Variants in STYK1 observed in about 807,000 individuals in gnomAD.
STYK1 encodes the protein tyrosine-protein kinase STYK1.
A neutral mutation model predicts 48.1 loss-of-function variants in STYK1; 46 were observed. The ratio of observed to expected loss-of-function variants is 0.96; its 90% CI spans 0.75 to 1.22. STYK1 has a LOEUF of 1.22. Ranked by LOEUF, STYK1 falls within the 50% of genes most tolerant of loss-of-function variation. The probability of loss-of-function intolerance (pLI) is 0.00; values close to 1 mark genes in which losing one functional copy is unlikely to be tolerated. For synonymous variants in STYK1, 188 were observed against 189.0 expected, an observed-to-expected ratio of 0.99 and a Z score of 0.04; for missense variants, 527 against 521.1, an observed-to-expected ratio of 1.01 and a Z score of -0.11.
chr12:10,624,916 A>C, intron 7 of STYK1, 57 bp from the exon 8 acceptor site: 1 of 1,500,348 alleles, frequency 6.7e-7, no homozygotes, highest in Non-Finnish European at 9.3e-7. Flanking sequence ...TGGGTCACAG[A>C]CAAGGAGAGG....
chr12:10,654,383 G>GTCACC (rs1243810509), intron 1 of STYK1, among the ~76,000 whole-genome samples: 2 of 152,056 alleles, frequency 1.3e-5, no homozygotes, highest in African/African-American at 4.8e-5. Flanking sequence ...ACTCTATGGA[G>GTCACC]TCACCCTGAA....
intron 9 of STYK1, 24 bp from the exon 10 acceptor site, chr12:10,621,996 A>G (rs376665255): frequency 9.8e-5 from 157 of 1,594,840 alleles, no homozygotes; most frequent in Non-Finnish European, 1.2e-4. Flanking sequence ...AATAATGAGA[A>G]CTTTAAGGTC....
At position 10,649,258 on chromosome 12, in the gene STYK1, T is replaced by TA. The variant is rs1207547897; in HGVS notation, c.-194-12063_-194-12062insT. Among the ~76,000 whole-genome samples the TA allele has an allele frequency of 4.6e-5, 7 of 152,168 alleles. No individual in the cohort carries two copies. In the East Asian group the frequency reaches 1.3e-3, roughly 29 times the overall value. On this transcript the variant is annotated intron_variant, in intron 1 of 10. Coordinates refer to ENST00000075503, the MANE Select transcript of STYK1 (RefSeq NM_018423.3). Reference sequence around the variant, plus strand: ...TTCAGGGGATATACATGGGAAGTCATTGTACTATTTTTGCTGCTTTTGTAC... The same window carrying TA: ...TTCAGGGGATATACATGGGAAGTCATATGTACTATTTTTGCTGCTTTTGTAC...
intron 7 of STYK1, among the ~76,000 whole-genome samples, chr12:10,625,921 G>A (rs1947354052): frequency 6.6e-6 from 1 of 152,108 alleles, no homozygotes; most frequent in Non-Finnish European, 1.5e-5. Flanking sequence ...GAGAGCCATG[G>A]CACCCTATGA....
chr12:10,651,286 C>T (rs1947660245), intron 1 of STYK1, among the ~76,000 whole-genome samples: 2 of 152,126 alleles, frequency 1.3e-5, no homozygotes, highest in African/African-American at 4.8e-5. Flanking sequence ...ATTTATTATT[C>T]AGACTCCTAG....
intron 7 of STYK1, among the ~76,000 whole-genome samples, chr12:10,626,384 T>C (rs561797049): frequency 1.3e-5 from 2 of 152,200 alleles, no homozygotes; most frequent in South Asian, 2.1e-4. Context: ...TCAAACACCA[T>C]AGACAATATT....
rs11268204 is a variant in STYK1, at chr12:10,630,032, GGA to G, written c.452-360_452-359del. 1.6e-3 allele frequency among the ~76,000 whole-genome samples: 213 copies of G among 137,198 alleles called. 1 individual carries two copies. Among genetic ancestry groups the G allele is most frequent in the African/African-American group, 5.7e-3 (194 of 33,752 alleles). 90.0% of individuals were successfully genotyped at this position (137,198 alleles called of 152,430 possible). Reference sequence around the variant, plus strand: ...CCATTACTGGCCCATATCATGAAGAGGAGAGAGAGAGAGAGAGAGAGAGAGAG... The same window carrying G: ...CCATTACTGGCCCATATCATGAAGAGGAGAGAGAGAGAGAGAGAGAGAGAG... On this transcript the variant is annotated intron_variant, in intron 5 of 10. Coordinates refer to ENST00000075503, the MANE Select transcript of STYK1 (RefSeq NM_018423.3).
chr12:10,664,974 A>C (rs1339322474), intron 1 of STYK1, among the ~76,000 whole-genome samples: 2 of 152,238 alleles, frequency 1.3e-5, no homozygotes, highest in East Asian at 3.8e-4. Context: ...GACATGCATA[A>C]GTCAGAAAAT....
chr12:10,670,995 ATTTT>A (rs763044772), intron 1 of STYK1, among the ~76,000 whole-genome samples: 27 of 110,468 alleles, frequency 2.4e-4, no homozygotes, highest in Non-Finnish European at 3.6e-4. Flanking sequence ...GAATATATTG[ATTTT>A]TTTTTTTTTT....
At chr12:10,673,615 A>AT (rs1454129030) in intron 1 of STYK1, 1 of 152,048 alleles carries the variant, frequency 6.6e-6, no homozygotes, top group Non-Finnish European at 1.5e-5. Context: ...CTGTAACCTC[A>AT]TTCTTTCCCT....
chr12:10,624,531 T>A (rs1591674223), intron 8 of STYK1, 120 bp downstream of exon 8: 1 of 846,564 alleles, frequency 1.2e-6, no homozygotes, highest in African/African-American at 1.7e-5. Context: ...CTTGAGAGTA[T>A]GTCTGATTTC....
intron 7 of STYK1, among the ~76,000 whole-genome samples, chr12:10,626,534 A>T (rs1947360853): frequency 6.6e-6 from 1 of 152,176 alleles, no homozygotes; most frequent in African/African-American, 2.4e-5. Context: ...AAGTAGCAAG[A>T]TATATCAAAT....
chr12:10,634,267 GA>G (rs1346958017), intron 3 of STYK1, 143 bp from the exon 4 acceptor site: 3 of 1,020,942 alleles, frequency 2.9e-6, no homozygotes, highest in Non-Finnish European at 4.3e-6. Context: ...CCATTCAACA[GA>G]AACACTGCTG....
At chr12:10,665,308 T>A (rs576246027) in intron 1 of STYK1, among the ~76,000 whole-genome samples, 1 of 152,322 alleles carries the variant, frequency 6.6e-6, no homozygotes, top group South Asian at 2.1e-4. Context: ...CTTTGACAAA[T>A]ACACTATGAA....
intron 1 of STYK1, among the ~76,000 whole-genome samples, chr12:10,644,337 C>T (rs1026565902): frequency 2.0e-5 from 3 of 152,134 alleles, no homozygotes; most frequent in Non-Finnish European, 2.9e-5. Context: ...TGTGTGAATG[C>T]AAAAACTGAA....
At chr12:10,645,586 A>T (rs1947590320) in intron 1 of STYK1, among the ~76,000 whole-genome samples, 1 of 152,214 alleles carries the variant, frequency 6.6e-6, no homozygotes, top group Non-Finnish European at 1.5e-5. Flanking sequence ...AGAACACATA[A>T]GTATCCCAGA....
intron 1 of STYK1, among the ~76,000 whole-genome samples, chr12:10,641,775 A>G (rs1947547677): frequency 6.6e-6 from 1 of 152,226 alleles, no homozygotes; most frequent in African/African-American, 2.4e-5. Context: ...TTCTGGGAAC[A>G]CATAACCTCC....
At position 10,620,078 on chromosome 12, in the gene STYK1, C is replaced by T. The variant is rs1865881118; in HGVS notation, c.*66G>A. On this transcript the variant is annotated 3_prime_UTR_variant, in exon 11 of 11. Coordinates refer to ENST00000075503, the MANE Select transcript of STYK1 (RefSeq NM_018423.3). ...TTGTGTCCCTGGGAAAGACCATTCT[C>T]TGTTCTTAGAGGAATTGATTCCAAG... 1 of 1,552,124 alleles carries T rather than the reference C, an allele frequency of 6.4e-7. No individual in the cohort carries two copies. The highest frequency in any genetic ancestry group is 1.1e-5 in the South Asian group (1 of 89,628).
chr12:10,657,477 T>C (rs1947731748), intron 1 of STYK1, among the ~76,000 whole-genome samples: 1 of 152,232 alleles, frequency 6.6e-6, no homozygotes, highest in African/African-American at 2.4e-5. Context: ...CATGTGACTT[T>C]AGGAAGCTTT....
Sources: gnomAD v4.1 joint callset for allele counts (sites outside exome capture counted in the v4.1 genomes callset) on GRCh38, gnomAD v4.1.1 for gene constraint, MANE v1.5 for transcripts, NCBI Gene and HGNC (gene_info 2026-07-23, HGNC 2026-07-21) for gene names.